TPST1: variants seen among roughly 807,000 people sequenced by gnomAD.
The protein encoded by TPST1 is tyrosylprotein sulfotransferase 1, also known as protein-tyrosine sulfotransferase 1.
TPST1 carries 20 observed loss-of-function variants against 34.8 expected under a neutral mutation model. That is an observed-to-expected ratio of 0.57 (90% CI 0.40 to 0.84). TPST1 has a LOEUF of 0.84. Ranked by LOEUF, TPST1 falls within the 40% of genes least tolerant of loss-of-function variation. The pLI, the probability that TPST1 is intolerant of heterozygous loss-of-function variation, is 0.00. For missense variants in TPST1, 353 were observed against 455.5 expected, an observed-to-expected ratio of 0.78 and a Z score of 2.05; for synonymous variants, 152 against 159.4, an observed-to-expected ratio of 0.95 and a Z score of 0.35.
intron 2 of TPST1, among the ~76,000 whole-genome samples, chr7:66,283,762 C>A (rs757807655): frequency 1.3e-5 from 2 of 152,134 alleles, no homozygotes; most frequent in African/African-American, 4.8e-5. Flanking sequence ...TCATGTGTTA[C>A]CCCATGAAAA....
chr7:66,270,098 G>A (rs886570802), intron 2 of TPST1, among the ~76,000 whole-genome samples: 1 of 152,158 alleles, frequency 6.6e-6, no homozygotes, highest in Non-Finnish European at 1.5e-5. Context: ...CTCAAAGGAG[G>A]TGAGGGAGTT....
chr7:66,255,584 G>A (rs1790368018), intron 2 of TPST1, among the ~76,000 whole-genome samples: 1 of 152,030 alleles, frequency 6.6e-6, no homozygotes, highest in Admixed American at 6.6e-5. Flanking sequence ...ATACTTCTCT[G>A]TGTGTCACTA....
chr7:66,213,675 C>T (rs572872914), intron 1 of TPST1, among the ~76,000 whole-genome samples: 133 of 150,356 alleles, frequency 8.8e-4, no homozygotes, highest in African/African-American at 3.0e-3. Flanking sequence ...ACCCAGGAGG[C>T]GGAGCTTGCA....
chr7:66,313,899 C>T (rs959320003), intron 3 of TPST1, among the ~76,000 whole-genome samples: 1 of 151,990 alleles, frequency 6.6e-6, no homozygotes, highest in Non-Finnish European at 1.5e-5. Flanking sequence ...AAGATCACAT[C>T]ATATATATAG....
At chr7:66,334,674 A>G (rs1481706158) in intron 3 of TPST1, among the ~76,000 whole-genome samples, 1 of 151,938 alleles carries the variant, frequency 6.6e-6, no homozygotes, top group Non-Finnish European at 1.5e-5. Flanking sequence ...AAGAATATCA[A>G]CCTGAGTTCA....
At chr7:66,352,675 A>G in intron 4 of TPST1, 120 bp downstream of exon 4, 1 of 1,528,538 alleles carries the variant, frequency 6.5e-7, no homozygotes. Context: ...AGAAAAGAAG[A>G]AAAGGGATAG....
chr7:66,323,886 C>T (rs1791808649), intron 3 of TPST1, among the ~76,000 whole-genome samples: 2 of 152,184 alleles, frequency 1.3e-5, no homozygotes, highest in South Asian at 4.1e-4. Flanking sequence ...AGCAGTTCCA[C>T]TTCTGTGTAT....
In TPST1 at chr7:66,276,365, CATATAT is replaced by C. The variant is rs138862941; in HGVS notation, c.846-10135_846-10130del. ...TTCTTCTTAAATTTTAAAAACATTT[CATATAT>C]ATATATATATGTATTTTTTTGAGGC... On this transcript the variant is annotated intron_variant, in intron 2 of 5. Coordinates refer to ENST00000304842, the MANE Select transcript of TPST1 (RefSeq NM_003596.4). 5.5e-5 allele frequency among the ~76,000 whole-genome samples: 5 copies of C among 90,876 alleles called. No individual in the cohort carries two copies. In the South Asian group the frequency reaches 1.0e-3, roughly 18 times the overall value. The allele number at this position is 90,876 out of a possible 152,430, so 59.6% of individuals were successfully genotyped here.
chr7:66,249,452 T>C (rs187685279), intron 2 of TPST1, among the ~76,000 whole-genome samples: 60 of 152,370 alleles, frequency 3.9e-4, no homozygotes, highest in Non-Finnish European at 7.3e-4. Flanking sequence ...ATTTCATTGT[T>C]TTTGAAAACA....
upstream of TPST1, among the ~76,000 whole-genome samples, chr7:66,204,501 C>T (rs148233294): frequency 2.5e-3 from 375 of 152,370 alleles, no homozygotes; most frequent in Admixed American, 3.5e-3. Flanking sequence ...GAGGCATGAG[C>T]CACCCCACCT....
At chr7:66,349,266 G>C (rs1354347194) in intron 3 of TPST1, among the ~76,000 whole-genome samples, 1 of 152,140 alleles carries the variant, frequency 6.6e-6, no homozygotes, top group Non-Finnish European at 1.5e-5. Flanking sequence ...GAATGTCTGA[G>C]AGAGTGTGAA....
intron 2 of TPST1, among the ~76,000 whole-genome samples, chr7:66,274,946 G>C (rs1166540478): frequency 6.6e-6 from 1 of 152,170 alleles, no homozygotes; most frequent in Non-Finnish European, 1.5e-5. Context: ...TGTAATCCCT[G>C]CACTTTGGGA....
At chr7:66,294,425 C>T (rs1791150359) in intron 3 of TPST1, among the ~76,000 whole-genome samples, 1 of 151,722 alleles carries the variant, frequency 6.6e-6, no homozygotes, top group Non-Finnish European at 1.5e-5. Context: ...AAATTTATGC[C>T]ACATTTATTT....
intron 3 of TPST1, among the ~76,000 whole-genome samples, chr7:66,293,697 T>C (rs1251159911): frequency 6.6e-6 from 1 of 152,158 alleles, no homozygotes; most frequent in African/African-American, 2.4e-5. Flanking sequence ...AACACCATAA[T>C]TATTAGTGAC....
intron 1 of TPST1, among the ~76,000 whole-genome samples, chr7:66,213,920 G>A (rs1365042321): frequency 3.9e-5 from 6 of 152,074 alleles, no homozygotes; most frequent in African/African-American, 9.7e-5. Context: ...TGGATATTAG[G>A]AGTTATAGAT....
chr7:66,343,032 C>T (rs989699977), intron 3 of TPST1, among the ~76,000 whole-genome samples: 1 of 152,066 alleles, frequency 6.6e-6, no homozygotes, highest in African/African-American at 2.4e-5. Context: ...GTGAAAGTCA[C>T]GGCCCAGGCA....
At chr7:66,303,447 T>C (rs1467744238) in intron 3 of TPST1, among the ~76,000 whole-genome samples, 1 of 106,562 alleles carries the variant, frequency 9.4e-6, no homozygotes, top group Non-Finnish European at 2.1e-5. Flanking sequence ...TCTCATTCTG[T>C]CACCCAGGCT....
At chr7:66,321,349 TTAC>T (rs1307083977) in intron 3 of TPST1, among the ~76,000 whole-genome samples, 9 of 152,374 alleles carry the variant, frequency 5.9e-5, no homozygotes, top group Non-Finnish European at 5.9e-5. Flanking sequence ...GCATTTGGTA[TTAC>T]CTGCACAACT....
chr7:66,227,027 G>GTTTTTT (rs1390977469), intron 1 of TPST1, among the ~76,000 whole-genome samples: 9 of 46,032 alleles, frequency 2.0e-4, no homozygotes, highest in Non-Finnish European at 3.0e-4. Context: ...CTTAAAATAA[G>GTTTTTT]CTTTTTTTTT....
Sources: gnomAD v4.1 joint callset for allele counts (sites outside exome capture counted in the v4.1 genomes callset) on GRCh38, gnomAD v4.1.1 for gene constraint, MANE v1.5 for transcripts, NCBI Gene and HGNC (gene_info 2026-07-23, HGNC 2026-07-21) for gene names.